The following EHD4 variants were observed in gnomAD, a reference collection of about 807,000 sequenced individuals.
EHD4 encodes EH domain containing 4, also known as EH domain-containing protein 4.
In EHD4, 37 loss-of-function variants were observed where a neutral mutation model predicts 51.0. The ratio of observed to expected loss-of-function variants is 0.73; its 90% confidence interval spans 0.56 to 0.95. The LOEUF is 0.95. Ranked by LOEUF, EHD4 falls within the 40% of genes least tolerant of loss-of-function variation. The pLI is 0.00. For missense variants in EHD4, 632 were observed against 733.1 expected, an observed-to-expected ratio of 0.86 and a Z score of 1.59; for synonymous variants, 297 against 317.3, an observed-to-expected ratio of 0.94 and a Z score of 0.68.
intron 3 of EHD4, among the ~76,000 whole-genome samples, chr15:41,933,975 C>T (rs763229527): frequency 2.0e-4 from 31 of 152,126 alleles, no homozygotes; most frequent in Admixed American, 9.2e-4. Flanking sequence ...CTGCTTCCTT[C>T]CAAAGCCCTG....
chr15:41,923,696 T>C (rs891577804), intron 3 of EHD4, among the ~76,000 whole-genome samples: 4 of 152,264 alleles, frequency 2.6e-5, no homozygotes, highest in African/African-American at 7.2e-5. Flanking sequence ...GATAGGTTTA[T>C]GTTCCTGTTG....
At chr15:41,925,001 A>G (rs1044998450) in intron 3 of EHD4, among the ~76,000 whole-genome samples, 2 of 151,616 alleles carry the variant, frequency 1.3e-5, no homozygotes, top group Non-Finnish European at 2.9e-5. Context: ...CGGAGGCTGC[A>G]GTGAGCCGAG....
intron 3 of EHD4, among the ~76,000 whole-genome samples, chr15:41,926,778 G>A (rs539746445): frequency 6.6e-6 from 1 of 152,264 alleles, no homozygotes; most frequent in East Asian, 1.9e-4. Flanking sequence ...AAACCACACT[G>A]GGCTCTGCTG....
intron 5 of EHD4, among the ~76,000 whole-genome samples, chr15:41,906,777 C>T (rs2067515015): frequency 6.6e-6 from 1 of 152,258 alleles, no homozygotes; most frequent in African/African-American, 2.4e-5. Flanking sequence ...GGTGACACAC[C>T]TGGTCTGGCT....
Position 41,909,710 on chromosome 15 carries a change from T to C in EHD4, c.1078A>G (p.Lys360Glu). The C allele has an allele frequency of 6.2e-7, 1 of 1,614,210 alleles. No individual in the cohort carries two copies. Among genetic ancestry groups the C allele is most frequent in the South Asian group, 1.1e-5 (1 of 91,078 alleles). Reference protein sequence around the residue: ...QISAGDFPEVKAMQEQLENYD... With the variant: ...QISAGDFPEVEAMQEQLENYD... ...TGGGCTCCCAGTACCTGCATAGCCTTGACCTCAGGGAAGTCCCCTGCAGAA... is the reference window on the plus strand; with the variant it reads ...TGGGCTCCCAGTACCTGCATAGCCTCGACCTCAGGGAAGTCCCCTGCAGAA... Residue 360 changes from lysine to glutamate, a missense_variant, in exon 5 of 6, where the codon AAG (lysine) becomes GAG (glutamate). By Grantham distance (56) the Lys-to-Glu change is moderately conservative (BLOSUM62 1). Transcript: ENST00000220325.
At chr15:41,939,501 A>T (rs2067752654) in intron 3 of EHD4, among the ~76,000 whole-genome samples, 1 of 152,158 alleles carries the variant, frequency 6.6e-6, no homozygotes. Flanking sequence ...GTTTGAGACC[A>T]GTTTGGCCAA....
chr15:41,928,330 T>C (rs2067676328), intron 3 of EHD4: 1 of 152,188 alleles, frequency 6.6e-6, no homozygotes, highest in Non-Finnish European at 1.5e-5. Context: ...GTAGGTACTT[T>C]TATTACCCCC....
chr15:41,912,319 T>C (rs1229900254), intron 4 of EHD4, among the ~76,000 whole-genome samples: 6 of 152,288 alleles, frequency 3.9e-5, no homozygotes, highest in African/African-American at 1.2e-4. Context: ...TGCCTCTGCA[T>C]GTCCACCCGC....
At chr15:41,964,382 C>A (rs997481969) in intron 1 of EHD4, among the ~76,000 whole-genome samples, 1 of 152,126 alleles carries the variant, frequency 6.6e-6, no homozygotes, top group Non-Finnish European at 1.5e-5. Flanking sequence ...GCGTGAGGAT[C>A]GCTTGAGCTC....
At chr15:41,910,803 A>T (rs2067544937) in intron 4 of EHD4, among the ~76,000 whole-genome samples, 1 of 152,146 alleles carries the variant, frequency 6.6e-6, no homozygotes, top group Non-Finnish European at 1.5e-5. Flanking sequence ...TCCTGACCTC[A>T]GGTGATCCAC....
Position 41,943,078 on chromosome 15 carries a change from C to T in EHD4, c.500G>A (p.Arg167His), listed in dbSNP as rs765752236. ...GGACAGGCACTGACCTCGGCTGATG[C>T]GCTGCTTCTCCCCAGAAAGGATGCC... ...SPGILSGEKQRISRGYDFCQV... is the reference protein window; with the variant it reads ...SPGILSGEKQHISRGYDFCQV... The change falls in exon 3 of 6, where the codon CGC becomes CAC. Residue 167 changes from arginine to histidine, a missense_variant. Physicochemically the swap from Arg to His is conservative, Grantham distance 29. Coordinates refer to ENST00000220325, the MANE Select transcript of EHD4 (RefSeq NM_139265.4). The T allele has an allele frequency of 1.3e-5, 21 of 1,576,810 alleles. No individual in the cohort carries two copies. Among genetic ancestry groups the T allele is most frequent in the Admixed American group, 1.9e-5 (1 of 53,822 alleles).
At chr15:41,902,777 G>GTA (rs1567242515) in intron 5 of EHD4, among the ~76,000 whole-genome samples, 1 of 148,452 alleles carries the variant, frequency 6.7e-6, no homozygotes, top group Admixed American at 6.8e-5. Context: ...ATGTATGTGT[G>GTA]TATATATATG....
intron 2 of EHD4, among the ~76,000 whole-genome samples, chr15:41,946,012 T>C (rs1386630315): frequency 2.0e-5 from 3 of 152,190 alleles, no homozygotes; most frequent in African/African-American, 7.2e-5. Flanking sequence ...AGCCTGGAGT[T>C]AATGTGCACG....
intron 2 of EHD4, among the ~76,000 whole-genome samples, chr15:41,952,481 T>C (rs1309225060): frequency 2.6e-5 from 4 of 151,286 alleles, no homozygotes; most frequent in African/African-American, 9.7e-5. Context: ...ACGCAAGGGG[T>C]AGCAAATAGG....
At chr15:41,967,509 C>G (rs2067968472) in intron 1 of EHD4, among the ~76,000 whole-genome samples, 1 of 152,098 alleles carries the variant, frequency 6.6e-6, no homozygotes, top group Non-Finnish European at 1.5e-5. Context: ...TTAAATATCT[C>G]AATATTTTAG....
At chr15:41,955,817 T>G (rs1331163644) in intron 1 of EHD4, among the ~76,000 whole-genome samples, 2 of 152,056 alleles carry the variant, frequency 1.3e-5, no homozygotes, top group Non-Finnish European at 2.9e-5. Flanking sequence ...CATATACCCA[T>G]GGGAATGTGG....
At position 41,953,808 on chromosome 15, in the gene EHD4, C is replaced by A; in HGVS notation, c.369G>T (p.Lys123Asn). The change falls in exon 2 of 6, where the codon AAG becomes AAT. Residue 123 changes from lysine (K) to asparagine (N), a missense_variant. Physicochemically the swap from Lys to Asn is moderately conservative, Grantham distance 94. Transcript: ENST00000220325. ...PGNALVVDPK[K>N]PFRKLSRFGN... ...CAAAGCGACTGAGCTTTCTAAACGG[C>A]TTTTTGGGGTCCACGACTAAAGCAT... 6.2e-7 allele frequency: 1 copy of A among 1,613,094 alleles called. No individual in the cohort carries two copies. The highest frequency in any genetic ancestry group is 8.5e-7 in the Non-Finnish European group (1 of 1,179,748).
chr15:41,915,107 CACACAT>C (rs932244255), intron 4 of EHD4, among the ~76,000 whole-genome samples: 2 of 150,368 alleles, frequency 1.3e-5, no homozygotes, highest in African/African-American at 4.9e-5. Context: ...CACACACACA[CACACAT>C]CATTGGACAC....
chr15:41,929,432 T>G (rs2140993167), intron 3 of EHD4, among the ~76,000 whole-genome samples: 1 of 152,340 alleles, frequency 6.6e-6, no homozygotes, highest in East Asian at 1.9e-4. Context: ...AGAGGAAGGT[T>G]CCACGCCAGT....
Sources: allele counts gnomAD v4.1 joint callset (sites outside exome capture counted in the v4.1 genomes callset), GRCh38; gene constraint gnomAD v4.1.1; transcripts MANE v1.5; gene names NCBI Gene and HGNC (gene_info 2026-07-23, HGNC 2026-07-21).